The following RPS6KC1 variants were observed in gnomAD, a reference collection of about 807,000 sequenced individuals.
RPS6KC1 encodes inactive ribosomal protein S6 kinase delta-1.
In RPS6KC1, 54 loss-of-function variants were observed where a neutral mutation model predicts 103.8. That is an observed-to-expected ratio of 0.52 (90% CI 0.42 to 0.65). The LOEUF is 0.65. RPS6KC1 is among the 30% of genes least tolerant of loss of function. The pLI is 0.00. For missense variants in RPS6KC1, 1,151 were observed against 1,253.8 expected (o/e 0.92, Z 1.24); for synonymous variants, 439 against 438.7 (o/e 1.00, Z -0.01).
chr1:213,786,260 AAAGCCT>A, the RPS6KC1 span, among the ~76,000 whole-genome samples: 2 of 152,202 alleles, frequency 1.3e-5, no homozygotes, highest in African/African-American at 4.8e-5. Flanking sequence ...GACTTTTTGA[AAAGCCT>A]TAGCCCCAGC....
At chr1:213,566,083 T>C in the RPS6KC1 span, among the ~76,000 whole-genome samples, 8 of 152,102 alleles carry the variant, frequency 5.3e-5, no homozygotes, top group Non-Finnish European at 8.8e-5. Context: ...GTTGGATGAA[T>C]GCAGAGATGG....
the RPS6KC1 span, among the ~76,000 whole-genome samples, chr1:213,326,119 A>G: frequency 6.6e-6 from 1 of 152,170 alleles, no homozygotes; most frequent in Non-Finnish European, 1.5e-5. Context: ...GCAGAGGGGG[A>G]AGAGAGACTG....
chr1:213,459,396 A>G, the RPS6KC1 span, among the ~76,000 whole-genome samples: 2 of 152,200 alleles, frequency 1.3e-5, no homozygotes, highest in African/African-American at 4.8e-5. Flanking sequence ...GGTGTTTATC[A>G]TCTTCTCTGA....
chr1:213,379,007 A>G, the RPS6KC1 span, among the ~76,000 whole-genome samples: 11 of 152,282 alleles, frequency 7.2e-5, no homozygotes, highest in East Asian at 7.7e-4. Context: ...GAAGTGTGGC[A>G]GTGGCCAACC....
At chr1:213,190,751 C>T (rs1272057235) in intron 8 of RPS6KC1, among the ~76,000 whole-genome samples, 1 of 152,188 alleles carries the variant, frequency 6.6e-6, no homozygotes, top group East Asian at 1.9e-4. Context: ...GAGAGTTTCG[C>T]CAGTGTTTTC....
intron 8 of RPS6KC1, among the ~76,000 whole-genome samples, chr1:213,192,238 C>T (rs1001244318): frequency 6.6e-6 from 1 of 152,168 alleles, no homozygotes; most frequent in Non-Finnish European, 1.5e-5. Context: ...TGGGATAAAT[C>T]CCACTTGGTC....
At chr1:213,492,829 C>G in the RPS6KC1 span, among the ~76,000 whole-genome samples, 4 of 152,222 alleles carry the variant, frequency 2.6e-5, no homozygotes, top group Non-Finnish European at 5.9e-5. Context: ...TGCTGTTCCC[C>G]TGGGAGACCA....
the RPS6KC1 span, among the ~76,000 whole-genome samples, chr1:213,434,412 A>G: frequency 6.6e-6 from 1 of 152,148 alleles, no homozygotes; most frequent in African/African-American, 2.4e-5. Flanking sequence ...CATTGTTTCC[A>G]ATGAGAAATC....
the RPS6KC1 span, among the ~76,000 whole-genome samples, chr1:213,327,424 T>G: frequency 6.6e-6 from 1 of 152,240 alleles, no homozygotes; most frequent in African/African-American, 2.4e-5. Context: ...TTCTCTTTTC[T>G]CTGGCACTTT....
At chr1:213,639,833 C>A in the RPS6KC1 span, among the ~76,000 whole-genome samples, 1 of 151,322 alleles carries the variant, frequency 6.6e-6, no homozygotes, top group African/African-American at 2.4e-5. Context: ...CATCTCTGTT[C>A]ATGAGGAATA....
chr1:213,359,688 GCTGGTAC>G, the RPS6KC1 span, among the ~76,000 whole-genome samples: 5 of 151,960 alleles, frequency 3.3e-5, no homozygotes, highest in Non-Finnish European at 5.9e-5. Context: ...TTTTGCAGTG[GCTGGTAC>G]CGGTTGTTCC....
At chr1:213,524,791 A>G in the RPS6KC1 span, among the ~76,000 whole-genome samples, 9 of 150,920 alleles carry the variant, frequency 6.0e-5, no homozygotes, top group Non-Finnish European at 1.3e-4. Flanking sequence ...ATTCCTATGA[A>G]GCATGTCTAT....
the RPS6KC1 span, among the ~76,000 whole-genome samples, chr1:213,377,830 T>TG: frequency 6.6e-6 from 1 of 152,242 alleles, no homozygotes; most frequent in African/African-American, 2.4e-5. Flanking sequence ...CTTACCTTCA[T>TG]GGGGAAGCCC....
chr1:213,263,605 A>T (rs1047563522), intron 14 of RPS6KC1, among the ~76,000 whole-genome samples: 24 of 151,892 alleles, frequency 1.6e-4, no homozygotes, highest in African/African-American at 5.8e-4. Flanking sequence ...TGAAACATGG[A>T]TTTAAAAAAA....
chr1:213,738,239 G>C, the RPS6KC1 span, among the ~76,000 whole-genome samples: 8 of 152,166 alleles, frequency 5.3e-5, no homozygotes, highest in Non-Finnish European at 1.2e-4. Flanking sequence ...CTGCAGAGCT[G>C]TTAAAACTCT....
At chr1:213,235,301 G>T (rs2094198108) in intron 10 of RPS6KC1, among the ~76,000 whole-genome samples, 1 of 152,094 alleles carries the variant, frequency 6.6e-6, no homozygotes, top group Non-Finnish European at 1.5e-5. Flanking sequence ...TTCTAATTTG[G>T]CAGTGAACAA....
chr1:213,766,864 G>A, the RPS6KC1 span, among the ~76,000 whole-genome samples: 1 of 151,780 alleles, frequency 6.6e-6, no homozygotes, highest in African/African-American at 2.4e-5. Flanking sequence ...GGCTTTCTCT[G>A]TCACCTCCAA....
At chr1:213,260,916 CCTTAT>C (rs752305712) in intron 12 of RPS6KC1, among the ~76,000 whole-genome samples, 33 of 152,098 alleles carry the variant, frequency 2.2e-4, no homozygotes, top group Non-Finnish European at 3.5e-4. Context: ...TTCTAAAATC[CCTTAT>C]CTTAGCCAAT....
At chr1:213,714,265 A>G in the RPS6KC1 span, among the ~76,000 whole-genome samples, 11 of 152,222 alleles carry the variant, frequency 7.2e-5, no homozygotes, top group South Asian at 2.1e-4. Flanking sequence ...CGCTAATGTT[A>G]TATAGATGTT....
Sources: gnomAD v4.1 joint callset for allele counts (sites outside exome capture counted in the v4.1 genomes callset) on GRCh38, gnomAD v4.1.1 for gene constraint, MANE v1.5 for transcripts, NCBI Gene and HGNC (gene_info 2026-07-23, HGNC 2026-07-21) for gene names.